Variants in RUNDC3B observed in about 807,000 individuals in gnomAD.
RUNDC3B encodes RUN domain-containing protein 3B.
Under a neutral mutation model 58.4 loss-of-function variants are expected in RUNDC3B, and 33 were observed. That is an observed-to-expected ratio of 0.56 (90% confidence interval 0.43 to 0.75). The LOEUF is 0.75. Ranked by LOEUF, RUNDC3B falls within the 30% of genes least tolerant of loss-of-function variation. The pLI, the probability that RUNDC3B is intolerant of heterozygous loss-of-function variation, is 0.00. For synonymous variants in RUNDC3B, 193 were observed against 195.2 expected, an observed-to-expected ratio of 0.99 and a Z score of 0.10; for missense variants, 501 against 535.7, an observed-to-expected ratio of 0.94 and a Z score of 0.64.
chr7:87,673,773 A>G (rs963453424), intron 2 of RUNDC3B, among the ~76,000 whole-genome samples: 1 of 152,202 alleles, frequency 6.6e-6, no homozygotes, highest in Non-Finnish European at 1.5e-5. Flanking sequence ...GTTTGGAGGT[A>G]ATAAGACACT....
chr7:87,783,730 AAAATAT>A (rs1290138500), intron 8 of RUNDC3B, among the ~76,000 whole-genome samples: 3 of 152,180 alleles, frequency 2.0e-5, no homozygotes, highest in African/African-American at 7.2e-5. Context: ...GCTTGTCTGG[AAAATAT>A]TATACATTTC....
chr7:87,712,113 T>A (rs965838188), intron 4 of RUNDC3B, among the ~76,000 whole-genome samples: 1 of 152,148 alleles, frequency 6.6e-6, no homozygotes, highest in Non-Finnish European at 1.5e-5. Flanking sequence ...AATAGTAAAC[T>A]TTTAATTTTG....
At chr7:87,639,107 G>A (rs1354628981) in intron 1 of RUNDC3B, among the ~76,000 whole-genome samples, 2 of 128,932 alleles carry the variant, frequency 1.6e-5, no homozygotes, top group Non-Finnish European at 3.1e-5. Context: ...AGAAGAGACG[G>A]CACACCACTG....
chr7:87,802,338 C>T (rs984111227), intron 8 of RUNDC3B, among the ~76,000 whole-genome samples: 1 of 151,974 alleles, frequency 6.6e-6, no homozygotes, highest in East Asian at 1.9e-4. Flanking sequence ...GAGGCTGCAA[C>T]GAGCCATGAT....
At chr7:87,771,619 A>G (rs1470510322) in intron 7 of RUNDC3B, among the ~76,000 whole-genome samples, 1 of 152,214 alleles carries the variant, frequency 6.6e-6, no homozygotes, top group East Asian at 1.9e-4. Context: ...TAGGGATCAG[A>G]AACATACACC....
intron 2 of RUNDC3B, among the ~76,000 whole-genome samples, chr7:87,678,223 G>A (rs1358991292): frequency 2.6e-5 from 4 of 152,126 alleles, no homozygotes; most frequent in Non-Finnish European, 5.9e-5. Flanking sequence ...CAAAGTTCTG[G>A]GATTACAGGT....
chr7:87,651,083 A>G (rs1388950730), intron 2 of RUNDC3B, 146 bp downstream of exon 2: 2 of 581,620 alleles, frequency 3.4e-6, no homozygotes, highest in Non-Finnish European at 6.1e-6. Flanking sequence ...GTGACTACGA[A>G]AGAGCCTCTG....
intron 4 of RUNDC3B, among the ~76,000 whole-genome samples, chr7:87,717,469 T>G (rs896026376): frequency 6.6e-6 from 1 of 152,058 alleles, no homozygotes; most frequent in Non-Finnish European, 1.5e-5. Flanking sequence ...GACCAATTAC[T>G]AGCTACCTTA....
intron 7 of RUNDC3B, among the ~76,000 whole-genome samples, chr7:87,774,346 A>G (rs1161023894): frequency 6.6e-6 from 1 of 152,150 alleles, no homozygotes; most frequent in African/African-American, 2.4e-5. Context: ...GAAGTAGTGA[A>G]AGAACAACCA....
intron 2 of RUNDC3B, among the ~76,000 whole-genome samples, chr7:87,652,666 C>A: frequency 7.5e-6 from 1 of 133,428 alleles, no homozygotes; most frequent in Non-Finnish European, 1.5e-5. Context: ...ATGAAATAAT[C>A]TGTAACTTTT....
chr7:87,745,359 T>TC (rs1171087050), intron 6 of RUNDC3B, among the ~76,000 whole-genome samples: 3 of 152,188 alleles, frequency 2.0e-5, no homozygotes, highest in Non-Finnish European at 4.4e-5. Flanking sequence ...GTTCCTTCTT[T>TC]CTCTATCTTA....
chr7:87,677,215 A>T (rs1340925064), intron 2 of RUNDC3B, among the ~76,000 whole-genome samples: 2 of 152,106 alleles, frequency 1.3e-5, no homozygotes, highest in East Asian at 3.9e-4. Flanking sequence ...TAGCCAAGAT[A>T]TTAAGACAAC....
chr7:87,728,487 T>G (rs150986066), intron 4 of RUNDC3B, among the ~76,000 whole-genome samples: 120 of 152,288 alleles, frequency 7.9e-4, no homozygotes, highest in African/African-American at 2.7e-3. Flanking sequence ...CAGTTCCTCT[T>G]GAGATTCTAG....
At chr7:87,729,138 G>T (rs1831427288) in intron 4 of RUNDC3B, among the ~76,000 whole-genome samples, 1 of 152,022 alleles carries the variant, frequency 6.6e-6, no homozygotes, top group South Asian at 2.1e-4. Flanking sequence ...ATTTGAGGAA[G>T]GCCAATAATA....
At chr7:87,702,967 A>G (rs1010028970) in intron 3 of RUNDC3B, among the ~76,000 whole-genome samples, 1 of 152,134 alleles carries the variant, frequency 6.6e-6, no homozygotes, top group African/African-American at 2.4e-5. Context: ...GTATCAAATA[A>G]CTAACTCAAC....
rs3028189 is a variant in RUNDC3B at position 87,720,542 on chromosome 7, ATGTGTG to A, written c.458+9915_458+9920del. Among the ~76,000 whole-genome samples, 390 of 145,252 alleles carry A rather than the reference ATGTGTG, an allele frequency of 2.7e-3. 3 individuals carry two copies. The highest frequency in any genetic ancestry group is 8.4e-3 in the African/African-American group (331 of 39,328). On this transcript the variant is annotated intron_variant, in intron 4 of 10. Transcript: ENST00000394654. ...CAAATTTAAGCAGAAGATAGGATAT[ATGTGTG>A]TGTGTGTGTGTGTGTGTGTGTGTGT...
intron 10 of RUNDC3B, among the ~76,000 whole-genome samples, chr7:87,825,637 C>T (rs768154138): frequency 1.6e-4 from 24 of 152,202 alleles, no homozygotes; most frequent in Non-Finnish European, 3.5e-4. Flanking sequence ...TGACATCTTG[C>T]ATCATCCACC....
chr7:87,749,848 G>GTATT (rs1832859409), intron 6 of RUNDC3B, among the ~76,000 whole-genome samples: 1 of 150,348 alleles, frequency 6.7e-6, no homozygotes, highest in Admixed American at 6.6e-5. Flanking sequence ...CATAGATACA[G>GTATT]TATTTTCTTT....
intron 3 of RUNDC3B, among the ~76,000 whole-genome samples, chr7:87,703,487 A>G (rs922863090): frequency 2.6e-5 from 4 of 152,272 alleles, no homozygotes; most frequent in African/African-American, 9.6e-5. Flanking sequence ...GACTATAACT[A>G]TAAAGTTCAC....
Sources: gnomAD v4.1 joint callset for allele counts (sites outside exome capture counted in the v4.1 genomes callset) on GRCh38, gnomAD v4.1.1 for gene constraint, MANE v1.5 for transcripts, NCBI Gene and HGNC (gene_info 2026-07-23, HGNC 2026-07-21) for gene names.